The following TMEM132B variants were observed in gnomAD, a reference collection of about 807,000 sequenced individuals.
The protein encoded by TMEM132B is transmembrane protein 132B.
A neutral mutation model predicts 90.8 loss-of-function variants in TMEM132B; 18 were observed. The observed-to-expected ratio is 0.20, with a 90% CI of 0.14 to 0.29. The LOEUF (loss-of-function observed/expected upper bound fraction) is 0.29. Ranked by LOEUF, TMEM132B falls within the 10% of genes least tolerant of loss-of-function variation. TMEM132B has a pLI of 1.00. For missense variants in TMEM132B, 1,096 were observed against 1,326.8 expected, an observed-to-expected ratio of 0.83 and a Z score of 2.70; for synonymous variants, 504 against 523.3, an observed-to-expected ratio of 0.96 and a Z score of 0.50.
chr12:125,284,995 T>C (rs1383188978), intron 1 of TMEM132B, among the ~76,000 whole-genome samples: 2 of 152,210 alleles, frequency 1.3e-5, no homozygotes, highest in Non-Finnish European at 2.9e-5. Context: ...ACCCAAATCC[T>C]GGCCTGCATG....
chr12:125,600,435 T>A (rs1885542018), intron 5 of TMEM132B, among the ~76,000 whole-genome samples: 1 of 152,228 alleles, frequency 6.6e-6, no homozygotes, highest in Non-Finnish European at 1.5e-5. Context: ...CTTGTTTACA[T>A]GTTGCTCCGT....
intron 1 of TMEM132B, among the ~76,000 whole-genome samples, chr12:125,327,010 A>C (rs1171104124): frequency 6.6e-6 from 1 of 151,864 alleles, no homozygotes; most frequent in Admixed American, 6.6e-5. Flanking sequence ...CTCTCCCTGG[A>C]TGCCCCCTGA....
intron 3 of TMEM132B, among the ~76,000 whole-genome samples, chr12:125,473,332 T>G (rs1881772054): frequency 6.6e-6 from 1 of 152,238 alleles, no homozygotes; most frequent in Non-Finnish European, 1.5e-5. Context: ...TATCTTCTTA[T>G]AGTCCCACAG....
At chr12:125,422,144 T>C (rs1424501480) in intron 3 of TMEM132B, among the ~76,000 whole-genome samples, 1 of 152,242 alleles carries the variant, frequency 6.6e-6, no homozygotes, top group African/African-American at 2.4e-5. Context: ...CCAGGCACTA[T>C]GTTATGTCTT....
intron 3 of TMEM132B, among the ~76,000 whole-genome samples, chr12:125,474,695 G>A (rs1304980837): frequency 1.3e-5 from 2 of 152,170 alleles, no homozygotes; most frequent in Non-Finnish European, 2.9e-5. Flanking sequence ...TAGCACAAAG[G>A]GAAATGATTG....
At chr12:125,592,778 TAGA>T (rs1340051512) in intron 5 of TMEM132B, among the ~76,000 whole-genome samples, 2 of 152,290 alleles carry the variant, frequency 1.3e-5, no homozygotes, top group East Asian at 3.9e-4. Context: ...ATGTGGTCCT[TAGA>T]GAGGCGCACC....
In TMEM132B at chr12:125,230,468, G is replaced by GT. The variant is rs770461763; in HGVS notation, c.67+43612dup. ...TGCAGGTGGGGCCCAGGCATCTGTG[G>GT]TTTTTTTTTTCTCATTTTTTTATTT... On this transcript the variant is annotated intron_variant, in intron 1 of 8. Transcript: ENST00000682704. 4.8e-4 allele frequency among the ~76,000 whole-genome samples: 71 copies of GT among 149,116 alleles called. 1 individual carries two copies. The highest frequency in any genetic ancestry group is 6.4e-4 in the South Asian group (3 of 4,686).
chr12:125,377,465 T>C (rs1169441595), intron 2 of TMEM132B, among the ~76,000 whole-genome samples: 2 of 152,126 alleles, frequency 1.3e-5, no homozygotes, highest in Admixed American at 1.3e-4. Flanking sequence ...TTCCTAAATC[T>C]TGGACACTTC....
intron 2 of TMEM132B, among the ~76,000 whole-genome samples, chr12:125,383,849 T>C (rs539476380): frequency 1.3e-5 from 2 of 152,354 alleles, no homozygotes; most frequent in East Asian, 3.9e-4. Context: ...AAGGGCAGAT[T>C]TGCAAGTGTT....
At chr12:125,489,831 G>A (rs1015680636) in intron 3 of TMEM132B, among the ~76,000 whole-genome samples, 6 of 152,208 alleles carry the variant, frequency 3.9e-5, no homozygotes, top group African/African-American at 1.4e-4. Context: ...GAGGTAGCCA[G>A]TTTGAATGGT....
intron 4 of TMEM132B, among the ~76,000 whole-genome samples, chr12:125,532,152 C>G (rs1370585555): frequency 6.6e-6 from 1 of 152,158 alleles, no homozygotes; most frequent in South Asian, 2.1e-4. Flanking sequence ...TGACCTGCCT[C>G]TATTTGGGAA....
chr12:125,266,950 G>T (rs915031329), intron 1 of TMEM132B, among the ~76,000 whole-genome samples: 3 of 152,166 alleles, frequency 2.0e-5, no homozygotes. Flanking sequence ...TTGGACCCAG[G>T]ATAGTGAGCC....
chr12:125,422,363 C>T (rs1358891860), intron 3 of TMEM132B, among the ~76,000 whole-genome samples: 4 of 152,182 alleles, frequency 2.6e-5, no homozygotes, highest in Admixed American at 1.3e-4. Flanking sequence ...CATGGCAAAG[C>T]GCCTGTGCTG....
At chr12:125,621,815 T>C (rs1056394397) in intron 5 of TMEM132B, among the ~76,000 whole-genome samples, 1 of 152,212 alleles carries the variant, frequency 6.6e-6, no homozygotes, top group Non-Finnish European at 1.5e-5. Context: ...CATACTTTCC[T>C]ACCTTTCCTC....
rs147217084 is a variant in TMEM132B, at chr12:125,443,722, T to TA, written c.1106+28046dup. Among the ~76,000 whole-genome samples, 578 of 152,318 alleles carry TA rather than the reference T, an allele frequency of 3.8e-3. 4 individuals carry two copies. The highest frequency in any genetic ancestry group is 0.013 in the African/African-American group (553 of 41,566). On this transcript the variant is annotated intron_variant, in intron 3 of 8. Coordinates refer to ENST00000682704, the MANE Select transcript of TMEM132B (RefSeq NM_001366854.1). ...AAAGCAGATTTATAGCTATGGTAGT[T>TA]ACATTTTTTTCAGTGTCAACAGATG...
chr12:125,234,289 G>T (rs1873884133), intron 1 of TMEM132B, among the ~76,000 whole-genome samples: 1 of 152,140 alleles, frequency 6.6e-6, no homozygotes, highest in Non-Finnish European at 1.5e-5. Context: ...TGGTCCAGTT[G>T]AAAATGTCCC....
chr12:125,251,150 C>G lies in TMEM132B; in HGVS notation c.67+64284C>G, dbSNP rs1874309604. Among the ~76,000 whole-genome samples, 2 of 152,140 alleles carry G rather than the reference C, an allele frequency of 1.3e-5. No homozygotes were observed. Among genetic ancestry groups the G allele is most frequent in the Admixed American group, 6.5e-5 (1 of 15,270 alleles). ...TCCTTCAATAGGGCAGAGGTGTCTT[C>G]CTGGGCTGGCCTGAGAGATTAAGGA... is the stretch of plus-strand genomic sequence containing the variant. On this transcript the variant is annotated intron_variant, in intron 1 of 8. Coordinates refer to ENST00000682704, the MANE Select transcript of TMEM132B (RefSeq NM_001366854.1). The surrounding 1 kb of genome is among the most constrained non-coding windows in gnomAD (Gnocchi z 4.4).
chr12:125,447,494 G>A (rs983922896), intron 3 of TMEM132B, among the ~76,000 whole-genome samples: 10 of 151,862 alleles, frequency 6.6e-5, no homozygotes, highest in South Asian at 4.2e-4. Flanking sequence ...CTCTGTATAC[G>A]CCATTATTGT....
At chr12:125,463,806 G>A (rs140653319) in intron 3 of TMEM132B, among the ~76,000 whole-genome samples, 13 of 152,296 alleles carry the variant, frequency 8.5e-5, no homozygotes, top group African/African-American at 3.1e-4. Context: ...TACTACTTGA[G>A]ACTGGGTAAT....
Sources: gnomAD v4.1 joint callset for allele counts (sites outside exome capture counted in the v4.1 genomes callset) on GRCh38, gnomAD v4.1.1 for gene constraint, Gnocchi (gnomAD v3.1) non-coding constraint, MANE v1.5 for transcripts, NCBI Gene and HGNC (gene_info 2026-07-23, HGNC 2026-07-21) for gene names.